OTUD7A: variants seen among roughly 807,000 people sequenced by gnomAD.
The protein encoded by OTUD7A is OTU domain-containing protein 7A.
Under a neutral mutation model 65.7 loss-of-function variants are expected in OTUD7A, and 12 were observed. The observed-to-expected ratio is 0.18, with a 90% CI of 0.12 to 0.30. OTUD7A has a LOEUF of 0.30. Among genes scored for constraint, OTUD7A ranks in the 10% least tolerant of loss-of-function variants. The pLI is 1.00. For missense variants in OTUD7A, 1,148 were observed against 1,304.8 expected (o/e 0.88, Z 1.85); for synonymous variants, 641 against 586.3 (o/e 1.09, Z -1.35).
At chr15:31,808,136 C>CACACACACACACACACACACAAAAAA (rs772574742) in intron 1 of OTUD7A, among the ~76,000 whole-genome samples, 1 of 119,418 alleles carries the variant, frequency 8.4e-6, no homozygotes, top group Non-Finnish European at 1.9e-5. Flanking sequence ...CACACACACA[C>CACACACACACACACACACACAAAAAA]AAACAAATCC....
intron 1 of OTUD7A, among the ~76,000 whole-genome samples, chr15:31,838,634 A>G (rs528666338): frequency 1.4e-5 from 2 of 147,686 alleles, no homozygotes; most frequent in South Asian, 4.3e-4. Flanking sequence ...AAGATGCTAC[A>G]CTATTCCTAA....
At chr15:31,766,512 C>T in intron 1 of OTUD7A, 7 of 1,611,796 alleles carry the variant, frequency 4.3e-6, no homozygotes, top group Admixed American at 1.7e-5. Context: ...GATTGTGGCA[C>T]TAGACTCTCC....
In OTUD7A at chr15:31,483,144, C is replaced by T; in HGVS notation, c.*150G>A. 6 of 733,378 alleles carry T rather than the reference C, an allele frequency of 8.2e-6. No individual in the cohort carries two copies. Among genetic ancestry groups the T allele is most frequent in the Non-Finnish European group, 1.0e-5 (6 of 591,766 alleles). The allele number at this position is 733,378 out of a possible 1,614,324, so 45.4% of individuals were successfully genotyped here. Reference sequence around the variant, plus strand: ...AGTGGCGTCAGTGTAGGTTCAGGCACCATTAGGAACGTTTGACCAAACACG... The same window carrying T: ...AGTGGCGTCAGTGTAGGTTCAGGCATCATTAGGAACGTTTGACCAAACACG... On this transcript the variant is annotated 3_prime_UTR_variant, in exon 13 of 13. Coordinates refer to ENST00000307050, the MANE Select transcript of OTUD7A (RefSeq NM_001382637.1).
intron 1 of OTUD7A, among the ~76,000 whole-genome samples, chr15:31,809,420 G>T (rs913078638): frequency 6.6e-6 from 1 of 152,200 alleles, no homozygotes; most frequent in African/African-American, 2.4e-5. Context: ...ATAGACTACT[G>T]TAAGACAATG....
chr15:31,866,585 T>C (rs764548824), intron 1 of OTUD7A, among the ~76,000 whole-genome samples: 1 of 152,206 alleles, frequency 6.6e-6, no homozygotes, highest in Non-Finnish European at 1.5e-5. Context: ...CACAAACTTT[T>C]TGGGAGACAT....
At chr15:31,572,823 AAAAGT>A (rs1403501539) in intron 3 of OTUD7A, among the ~76,000 whole-genome samples, 2 of 152,174 alleles carry the variant, frequency 1.3e-5, no homozygotes, top group Non-Finnish European at 2.9e-5. Flanking sequence ...GATAAAAATG[AAAAGT>A]AAAGTAGACA....
intron 1 of OTUD7A, among the ~76,000 whole-genome samples, chr15:31,841,333 C>T (rs993211620): frequency 1.3e-4 from 20 of 152,136 alleles, no homozygotes; most frequent in African/African-American, 3.4e-4. Flanking sequence ...TGAACTGCCT[C>T]GGAAATGAGG....
At chr15:31,639,999 G>GT in intron 3 of OTUD7A, among the ~76,000 whole-genome samples, 1 of 152,290 alleles carries the variant, frequency 6.6e-6, no homozygotes, top group African/African-American at 2.4e-5. Context: ...TCAAAAAGCA[G>GT]TTTAAGTTTT....
intron 10 of OTUD7A, among the ~76,000 whole-genome samples, chr15:31,494,432 C>T (rs1414063313): frequency 6.6e-6 from 1 of 152,158 alleles, no homozygotes; most frequent in Non-Finnish European, 1.5e-5. Flanking sequence ...TTCCCAGCTT[C>T]CAGAACTATC....
intron 1 of OTUD7A, among the ~76,000 whole-genome samples, chr15:31,660,795 T>C (rs1892139945): frequency 6.6e-6 from 1 of 152,254 alleles, no homozygotes; most frequent in South Asian, 2.1e-4. Flanking sequence ...TTCGCATTGT[T>C]GCAGGATCAT....
Position 31,484,250 on chromosome 15 carries a change from C to T in OTUD7A, c.1846G>A (p.Gly616Ser), listed in dbSNP as rs770341738. The T allele has an allele frequency of 1.1e-5, 17 of 1,597,946 alleles. No homozygotes were observed. Among genetic ancestry groups the T allele is most frequent in the Non-Finnish European group, 1.4e-5 (17 of 1,174,762 alleles). Reference sequence around the variant, plus strand: ...TCCGTGCTGTACTTCCAGGCGTCGCCCCGCGGCCCACCGCCCTTCTCCGCC... The same window carrying T: ...TCCGTGCTGTACTTCCAGGCGTCGCTCCGCGGCCCACCGCCCTTCTCCGCC... ...SPAEKGGGPR[G>S]DAWKYSTDVK... The change falls in exon 13 of 13, where the codon GGC becomes AGC. Residue 616 changes from glycine to serine, a missense_variant. Transcript: ENST00000307050. The surrounding 1 kb of genome is among the most constrained non-coding windows in gnomAD (Gnocchi z 4.5).
chr15:31,609,052 C>G (rs994872976), intron 3 of OTUD7A, among the ~76,000 whole-genome samples: 1 of 152,110 alleles, frequency 6.6e-6, no homozygotes, highest in Non-Finnish European at 1.5e-5. Flanking sequence ...GAGAGCTGAG[C>G]GAAATACAGG....
intron 1 of OTUD7A, among the ~76,000 whole-genome samples, chr15:31,741,348 A>C (rs1894338434): frequency 6.6e-6 from 1 of 152,186 alleles, no homozygotes; most frequent in Non-Finnish European, 1.5e-5. Flanking sequence ...TTTTTATTAC[A>C]CTTTAAGTTC....
chr15:31,665,789 G>A (rs1892301709), intron 1 of OTUD7A, among the ~76,000 whole-genome samples: 1 of 152,076 alleles, frequency 6.6e-6, no homozygotes, highest in Non-Finnish European at 1.5e-5. Flanking sequence ...GTTGGCTATG[G>A]GTTTGTCACA....
intron 1 of OTUD7A, among the ~76,000 whole-genome samples, chr15:31,770,555 C>T (rs1450413311): frequency 1.3e-5 from 2 of 152,152 alleles, no homozygotes; most frequent in Non-Finnish European, 2.9e-5. Flanking sequence ...GGGAACACTG[C>T]TCAACTTATT....
chr15:31,725,713 T>C (rs1029578775), intron 1 of OTUD7A, among the ~76,000 whole-genome samples: 13 of 152,198 alleles, frequency 8.5e-5, no homozygotes, highest in African/African-American at 3.1e-4. Context: ...CAATGAAATA[T>C]AAGTGGCAGA....
At chr15:31,739,461 C>T (rs1369482328) in intron 1 of OTUD7A, among the ~76,000 whole-genome samples, 2 of 152,170 alleles carry the variant, frequency 1.3e-5, no homozygotes, top group African/African-American at 2.4e-5. Flanking sequence ...AACAGTTTGG[C>T]TAACTTTAGA....
At position 31,483,325 on chromosome 15, in the gene OTUD7A, CG is replaced by C; in HGVS notation, c.2770del (p.Arg924GlyfsTer63). 8.3e-7 allele frequency: 1 copy of C among 1,210,184 alleles called. No individual in the cohort carries two copies. The highest frequency in any genetic ancestry group is 1.0e-6 in the Non-Finnish European group (1 of 971,038). 75.0% of individuals were successfully genotyped at this position (1,210,184 alleles called of 1,614,324 possible). On this transcript the variant is annotated frameshift_variant, in exon 13 of 13. Coordinates refer to ENST00000307050, the MANE Select transcript of OTUD7A (RefSeq NM_001382637.1). LOFTEE classifies it high-confidence loss of function. ...CSYCYREELR[R>X]RREARGARP ...CCGGGCCCCGCGCGCCTCGCGCCGC[CG>C]CCGCAGCTCCTCGCGGTAGCAGTAG... is the stretch of plus-strand genomic sequence containing the variant.
intron 3 of OTUD7A, among the ~76,000 whole-genome samples, chr15:31,589,463 G>GTT (rs58276599): frequency 0.029 from 3,419 of 116,252 alleles, 267 homozygotes; most frequent in African/African-American, 0.11. Context: ...TCCTGGGCTT[G>GTT]TTTTTTTTTT....
Sources: allele counts gnomAD v4.1 joint callset (sites outside exome capture counted in the v4.1 genomes callset), GRCh38; gene constraint gnomAD v4.1.1; non-coding constraint Gnocchi (gnomAD v3.1); transcripts MANE v1.5; gene names NCBI Gene and HGNC (gene_info 2026-07-23, HGNC 2026-07-21).